The following PTPRQ variants were observed in gnomAD, a reference collection of about 807,000 sequenced individuals.
PTPRQ encodes protein tyrosine phosphatase receptor type Q.
In PTPRQ, 199 loss-of-function variants were observed where a neutral mutation model predicts 246.0. That is an observed-to-expected ratio of 0.81 (90% CI 0.72 to 0.91). The LOEUF is 0.91. PTPRQ is among the 40% of genes least tolerant of loss of function. The probability of loss-of-function intolerance (pLI) is 0.00; values close to 1 mark genes in which losing one functional copy is unlikely to be tolerated. For missense variants in PTPRQ, 2,624 were observed against 2,528.4 expected, an observed-to-expected ratio of 1.04 and a Z score of -0.81; for synonymous variants, 869 against 853.2, an observed-to-expected ratio of 1.02 and a Z score of -0.32.
chr12:80,541,565 G>A lies in PTPRQ; in HGVS notation c.3165G>A (p.Gly1055=). The A allele has an allele frequency of 2.0e-6, 3 of 1,521,966 alleles. No individual in the cohort carries two copies. Among genetic ancestry groups the A allele is most frequent in the Non-Finnish European group, 2.6e-6 (3 of 1,132,386 alleles). 94.3% of individuals were successfully genotyped at this position (1,521,966 alleles called of 1,614,324 possible). A position where few individuals can be genotyped will look rare whatever the true frequency, so the allele number is the denominator to read the frequency against. Residue 1055 remains glycine (G), a synonymous_variant, in exon 21 of 45, where the codon GGG becomes GGA. Coordinates refer to ENST00000644991, the MANE Select transcript of PTPRQ (RefSeq NM_001145026.2). ...CATTACCTATCATAGTACCTGAAGGGTTTGTTGGAAACCTGACTTACGAAT... is the reference window on the plus strand; with the variant it reads ...CATTACCTATCATAGTACCTGAAGGATTTGTTGGAAACCTGACTTACGAAT... The part of the protein sequence containing the change: ...EVYTDQDIPE[G]FVGNLTYESI...
At chr12:80,626,008 T>A (rs1350399489) in intron 33 of PTPRQ, among the ~76,000 whole-genome samples, 1 of 152,202 alleles carries the variant, frequency 6.6e-6, no homozygotes, top group African/African-American at 2.4e-5. Flanking sequence ...AAGCTGAACA[T>A]GATGAAATCT....
intron 35 of PTPRQ, among the ~76,000 whole-genome samples, chr12:80,635,788 C>T (rs547832347): frequency 5.3e-5 from 8 of 152,002 alleles, no homozygotes; most frequent in Non-Finnish European, 1.2e-4. Context: ...TGAAAACTAC[C>T]ATCAGGCTAT....
At chr12:80,638,190 C>T (rs1051216377) in intron 35 of PTPRQ, among the ~76,000 whole-genome samples, 9 of 151,610 alleles carry the variant, frequency 5.9e-5, no homozygotes, top group African/African-American at 2.2e-4. Flanking sequence ...ATCACTTGAA[C>T]CCAGGAGGCT....
At chr12:80,540,962 A>T (rs532228337) in intron 20 of PTPRQ, among the ~76,000 whole-genome samples, 1 of 152,204 alleles carries the variant, frequency 6.6e-6, no homozygotes, top group South Asian at 2.1e-4. Flanking sequence ...GTTTAATATC[A>T]CAATACAACT....
At chr12:80,578,012 C>G (rs1470326996) in intron 25 of PTPRQ, among the ~76,000 whole-genome samples, 1 of 151,994 alleles carries the variant, frequency 6.6e-6, no homozygotes, top group East Asian at 1.9e-4. Context: ...AATTATTCCA[C>G]CTACGTACTC....
chr12:80,649,754 G>C, intron 37 of PTPRQ, 85 bp downstream of exon 37: 9 of 1,458,978 alleles, frequency 6.2e-6, no homozygotes, highest in Non-Finnish European at 8.2e-6. Context: ...AGCAAGCAAG[G>C]CCATGAAGGA....
At chr12:80,485,428 G>A (rs1015277764) in intron 9 of PTPRQ, among the ~76,000 whole-genome samples, 8 of 152,150 alleles carry the variant, frequency 5.3e-5, no homozygotes, top group South Asian at 2.1e-4. Flanking sequence ...AGCACCTGGC[G>A]TCTGCTGTGT....
chr12:80,468,285 T>A (rs185325409), intron 6 of PTPRQ, among the ~76,000 whole-genome samples: 1,838 of 152,266 alleles, frequency 0.012, 15 homozygotes, highest in Non-Finnish European at 0.019. Context: ...TGAGGGTCAT[T>A]TTCTTGAAAC....
intron 8 of PTPRQ, among the ~76,000 whole-genome samples, chr12:80,482,204 C>T (rs1894090734): frequency 6.7e-6 from 1 of 149,472 alleles, no homozygotes; most frequent in African/African-American, 2.5e-5. Flanking sequence ...AGAACAGAGC[C>T]CTCAGAAATA....
intron 25 of PTPRQ, among the ~76,000 whole-genome samples, chr12:80,566,431 T>C (rs186684968): frequency 3.9e-4 from 59 of 152,076 alleles, no homozygotes; most frequent in Non-Finnish European, 7.6e-4. Flanking sequence ...TGAGCCAAGA[T>C]TGCACCAGTG....
At chr12:80,594,433 G>T (rs1426547520) in intron 26 of PTPRQ, among the ~76,000 whole-genome samples, 3 of 152,088 alleles carry the variant, frequency 2.0e-5, no homozygotes, top group Non-Finnish European at 4.4e-5. Flanking sequence ...TTGCACTTCT[G>T]CAAAATTAGT....
intron 8 of PTPRQ, among the ~76,000 whole-genome samples, chr12:80,478,991 G>A (rs1446526233): frequency 6.6e-6 from 1 of 151,894 alleles, no homozygotes; most frequent in Non-Finnish European, 1.5e-5. Flanking sequence ...ATCTAGCAAG[G>A]CAGGCCAACG....
intron 37 of PTPRQ, among the ~76,000 whole-genome samples, chr12:80,649,931 C>A (rs1236684847): frequency 1.3e-5 from 2 of 152,106 alleles, no homozygotes; most frequent in African/African-American, 4.8e-5. Context: ...CTTGTCTATT[C>A]TCTGCTCTTT....
chr12:80,620,457 A>T (rs773799889), intron 32 of PTPRQ, 81 bp downstream of exon 32: 2 of 1,522,936 alleles, frequency 1.3e-6, no homozygotes, highest in Non-Finnish European at 1.8e-6. Flanking sequence ...CTGTCCTTTC[A>T]TCTTTCCAAT....
intron 25 of PTPRQ, among the ~76,000 whole-genome samples, chr12:80,571,909 G>A (rs899234732): frequency 6.6e-5 from 10 of 151,976 alleles, no homozygotes; most frequent in African/African-American, 2.4e-4. Context: ...ACCACACTGT[G>A]TTGATAACTG....
At chr12:80,506,493 A>G (rs370798822) in intron 15 of PTPRQ, 76 bp from the exon 16 acceptor site, 1 of 1,189,576 alleles carries the variant, frequency 8.4e-7, no homozygotes, top group East Asian at 2.6e-5. Context: ...GTTGACAGCC[A>G]TTTCATAGTT....
chr12:80,553,257 T>G (rs1391213025), intron 25 of PTPRQ, among the ~76,000 whole-genome samples: 7 of 152,134 alleles, frequency 4.6e-5, no homozygotes, highest in African/African-American at 1.7e-4. Context: ...GCATGAGTAT[T>G]AATTGCTGCT....
intron 25 of PTPRQ, among the ~76,000 whole-genome samples, chr12:80,581,526 CCG>C (rs1300066870): frequency 6.6e-6 from 1 of 151,734 alleles, no homozygotes; most frequent in Non-Finnish European, 1.5e-5. Context: ...TTCCAGCTAC[CCG>C]AGAGACTGGG....
At chr12:80,515,860 A>G (rs1462514560) in intron 17 of PTPRQ, among the ~76,000 whole-genome samples, 1 of 151,806 alleles carries the variant, frequency 6.6e-6, no homozygotes, top group Non-Finnish European at 1.5e-5. Flanking sequence ...ATGAGGGTTA[A>G]TGTGTAACCA....
Sources: gnomAD v4.1 joint callset for allele counts (sites outside exome capture counted in the v4.1 genomes callset) on GRCh38, gnomAD v4.1.1 for gene constraint, MANE v1.5 for transcripts, NCBI Gene and HGNC (gene_info 2026-07-23, HGNC 2026-07-21) for gene names.